CCSER1: variants seen among roughly 807,000 people sequenced by gnomAD.
CCSER1 encodes the protein coiled-coil serine rich protein 1, also known as serine-rich coiled-coil domain-containing protein 1.
In CCSER1, 41 loss-of-function variants were observed where a neutral mutation model predicts 82.0. The observed-to-expected ratio is 0.50, with a 90% CI of 0.39 to 0.65. The LOEUF (loss-of-function observed/expected upper bound fraction) is 0.65, where lower values mean the gene tolerates loss of function less well. Ranked by LOEUF, CCSER1 falls within the 30% of genes least tolerant of loss-of-function variation. The probability of loss-of-function intolerance (pLI) is 0.00; values close to 1 mark genes in which losing one functional copy is unlikely to be tolerated. For synonymous variants in CCSER1, 414 were observed against 383.9 expected (o/e 1.08, Z -0.92); for missense variants, 1,119 against 1,064.2 (o/e 1.05, Z -0.72).
chr4:90,237,125 T>A (rs1425777058), intron 1 of CCSER1, among the ~76,000 whole-genome samples: 3 of 152,170 alleles, frequency 2.0e-5, no homozygotes, highest in Non-Finnish European at 4.4e-5. Flanking sequence ...AAATCAAATA[T>A]AATTGTCTTA....
intron 9 of CCSER1, among the ~76,000 whole-genome samples, chr4:91,050,216 A>G (rs1458351819): frequency 6.6e-6 from 1 of 152,296 alleles, no homozygotes; most frequent in African/African-American, 2.4e-5. Context: ...GGATCACCTG[A>G]GGTCAGGAGT....
At chr4:91,282,400 A>G (rs956274744) in intron 10 of CCSER1, among the ~76,000 whole-genome samples, 1 of 152,158 alleles carries the variant, frequency 6.6e-6, no homozygotes, top group Non-Finnish European at 1.5e-5. Flanking sequence ...CGAATGACTG[A>G]TGGGGTTGGT....
At chr4:91,219,637 A>C (rs921511145) in intron 10 of CCSER1, among the ~76,000 whole-genome samples, 1 of 152,134 alleles carries the variant, frequency 6.6e-6, no homozygotes, top group Non-Finnish European at 1.5e-5. Flanking sequence ...TTATGTATTT[A>C]AGCTTTTGGT....
intron 10 of CCSER1, among the ~76,000 whole-genome samples, chr4:91,313,322 A>G (rs1745620306): frequency 6.6e-6 from 1 of 151,820 alleles, no homozygotes; most frequent in Admixed American, 6.6e-5. Flanking sequence ...TGTCTTTTTG[A>G]AAGGCTTTTC....
chr4:90,700,646 A>C (rs1737884534), intron 6 of CCSER1, among the ~76,000 whole-genome samples: 1 of 152,084 alleles, frequency 6.6e-6, no homozygotes, highest in Non-Finnish European at 1.5e-5. Context: ...CCTCTCCAGC[A>C]CCTGTTGTTT....
intron 7 of CCSER1, among the ~76,000 whole-genome samples, chr4:90,791,098 C>T (rs533295433): frequency 6.6e-6 from 1 of 152,256 alleles, no homozygotes; most frequent in African/African-American, 2.4e-5. Flanking sequence ...CACAGGGCAG[C>T]AGGAAAGAGA....
intron 4 of CCSER1, among the ~76,000 whole-genome samples, chr4:90,460,169 A>G (rs146681357): frequency 0.011 from 1,667 of 148,590 alleles, 32 homozygotes; most frequent in South Asian, 0.021. Flanking sequence ...TACTAAAAAT[A>G]CAAAAATTAG....
intron 10 of CCSER1, among the ~76,000 whole-genome samples, chr4:91,128,187 C>T (rs1305281629): frequency 6.6e-6 from 1 of 152,012 alleles, no homozygotes; most frequent in East Asian, 1.9e-4. Context: ...GTGTTCTTTT[C>T]TAATCTTTTC....
intron 10 of CCSER1, among the ~76,000 whole-genome samples, chr4:91,106,944 A>T (rs1725675209): frequency 6.6e-6 from 1 of 152,188 alleles, no homozygotes; most frequent in South Asian, 2.1e-4. Context: ...ATTTTGCCCA[A>T]GGATAGACTG....
At position 90,305,997 on chromosome 4, in the gene CCSER1, T is replaced by TA. The variant is rs1231219676; in HGVS notation, c.-41-2241dup. On this transcript the variant is annotated intron_variant, in intron 1 of 10. Transcript: ENST00000509176. ...TTATATAATGAAATGCTATTCAGCC[T>TA]AAAAAAGAAATTCTGTCACATGTCA... Among the ~76,000 whole-genome samples, 3 of 152,154 alleles carry TA rather than the reference T, an allele frequency of 2.0e-5. No individual in the cohort carries two copies. In the East Asian group the frequency reaches 5.8e-4, roughly 29 times the overall value.
intron 1 of CCSER1, among the ~76,000 whole-genome samples, chr4:90,200,644 T>G (rs1171568206): frequency 6.6e-6 from 1 of 152,008 alleles, no homozygotes; most frequent in African/African-American, 2.4e-5. Context: ...ATGAGTGTAT[T>G]AATAAACATA....
At chr4:91,143,948 T>C (rs531401296) in intron 10 of CCSER1, among the ~76,000 whole-genome samples, 1 of 152,156 alleles carries the variant, frequency 6.6e-6, no homozygotes, top group Admixed American at 6.5e-5. Context: ...TTTTTTATTG[T>C]GTCTTTGTCA....
At chr4:91,590,692 AC>A (rs1431066886) in intron 10 of CCSER1, among the ~76,000 whole-genome samples, 1 of 152,120 alleles carries the variant, frequency 6.6e-6, no homozygotes, top group Non-Finnish European at 1.5e-5. Flanking sequence ...AGGAGCATTT[AC>A]TTTTTAAGTA....
intron 1 of CCSER1, among the ~76,000 whole-genome samples, chr4:90,172,917 A>AT (rs1205859773): frequency 1.3e-5 from 2 of 151,850 alleles, no homozygotes; most frequent in African/African-American, 4.8e-5. Flanking sequence ...TTTGTGATTG[A>AT]TTTTAAATAT....
chr4:90,499,052 A>G (rs1015251688), intron 5 of CCSER1, among the ~76,000 whole-genome samples: 1 of 152,042 alleles, frequency 6.6e-6, no homozygotes, highest in Non-Finnish European at 1.5e-5. Context: ...TTATCAATAA[A>G]TAAGCCCTAT....
intron 8 of CCSER1, among the ~76,000 whole-genome samples, chr4:90,819,110 T>C (rs1580631769): frequency 6.6e-6 from 1 of 152,172 alleles, no homozygotes; most frequent in East Asian, 1.9e-4. Context: ...CAGATGGCCA[T>C]CTTTTCGGTA....
rs556615173 is a variant in CCSER1, at chr4:91,359,471, T to C, written c.2218-239101T>C. On this transcript the variant is annotated intron_variant, in intron 10 of 10. Coordinates refer to ENST00000509176, the MANE Select transcript of CCSER1 (RefSeq NM_001145065.2). ...TGGAAAACAGTGACTGATAAACTTATGATGGCAAAAGCTGCTACCTATTAA... is the reference window on the plus strand; with the variant it reads ...TGGAAAACAGTGACTGATAAACTTACGATGGCAAAAGCTGCTACCTATTAA... Among the ~76,000 whole-genome samples, 28 of 152,018 alleles carry C rather than the reference T, an allele frequency of 1.8e-4. No individual in the cohort carries two copies. The South Asian group carries it at 3.9e-3, about 21-fold the overall frequency.
intron 10 of CCSER1, among the ~76,000 whole-genome samples, chr4:91,118,784 A>G (rs971879182): frequency 1.3e-5 from 2 of 152,154 alleles, no homozygotes; most frequent in Non-Finnish European, 2.9e-5. Context: ...TTTCTCAATG[A>G]CATAAGTGTT....
chr4:91,398,960 A>G (rs2149357583), intron 10 of CCSER1, among the ~76,000 whole-genome samples: 1 of 152,134 alleles, frequency 6.6e-6, no homozygotes, highest in African/African-American at 2.4e-5. Flanking sequence ...GAGAATTCTG[A>G]ATTATAAATA....
Sources: allele counts gnomAD v4.1 joint callset (sites outside exome capture counted in the v4.1 genomes callset), GRCh38; gene constraint gnomAD v4.1.1; transcripts MANE v1.5; gene names NCBI Gene and HGNC (gene_info 2026-07-23, HGNC 2026-07-21).